Variants in SNTG1 observed in about 807,000 individuals in gnomAD.
SNTG1 encodes gamma-1-syntrophin.
In SNTG1, 39 loss-of-function variants were observed where a neutral mutation model predicts 74.7. The ratio of observed to expected loss-of-function variants is 0.52; its 90% CI spans 0.40 to 0.68. The LOEUF is 0.68. SNTG1 is among the 30% of genes least tolerant of loss of function. The pLI is 0.00. For synonymous variants in SNTG1, 254 were observed against 217.1 expected (o/e 1.17, Z -1.49); for missense variants, 685 against 609.5 (o/e 1.12, Z -1.30).
chr8:50,253,261 T>G (rs2086722033), intron 2 of SNTG1, among the ~76,000 whole-genome samples: 1 of 152,006 alleles, frequency 6.6e-6, no homozygotes, highest in Admixed American at 6.6e-5. Context: ...CTGTGTCTAC[T>G]AACAATACAA....
At chr8:50,617,516 C>G (rs939096930) in intron 13 of SNTG1, among the ~76,000 whole-genome samples, 1 of 152,042 alleles carries the variant, frequency 6.6e-6, no homozygotes, top group African/African-American at 2.4e-5. Context: ...ATCTTGTTGC[C>G]CTTTCTTCAT....
chr8:50,485,911 C>A lies in SNTG1; in HGVS notation c.364-16867C>A, dbSNP rs1474689346. Reference sequence around the variant, plus strand: ...TATGGCTAGCCAGTTTTCCCAGCACCATTTATTAAATAGGGAATCCTGTCC... The same window carrying A: ...TATGGCTAGCCAGTTTTCCCAGCACAATTTATTAAATAGGGAATCCTGTCC... On this transcript the variant is annotated intron_variant, in intron 8 of 18. Transcript: ENST00000642720. Among the ~76,000 whole-genome samples the A allele has an allele frequency of 5.4e-3, 818 of 150,910 alleles. 4 individuals are homozygous for A. The highest frequency in any genetic ancestry group is 9.5e-3 in the Non-Finnish European group (638 of 67,312).
At position 50,691,388 on chromosome 8, in the gene SNTG1, G is replaced by A. The variant is rs185515416; in HGVS notation, c.1039-13212G>A. On this transcript the variant is annotated intron_variant, in intron 15 of 18. Transcript: ENST00000642720. ...GCATATTTTTGCAGTGGCTGGTACC[G>A]GTTGTTCCTTTCCTTGTTTAGTGCT... 3.1e-3 allele frequency among the ~76,000 whole-genome samples: 470 copies of A among 152,284 alleles called. 3 individuals carry two copies. The highest frequency in any genetic ancestry group is 5.2e-3 in the Non-Finnish European group (355 of 68,008).
At chr8:50,400,969 T>TA (rs1339885935) in intron 3 of SNTG1, among the ~76,000 whole-genome samples, 1 of 152,112 alleles carries the variant, frequency 6.6e-6, no homozygotes, top group Non-Finnish European at 1.5e-5. Context: ...TCACAACACA[T>TA]ATATTATTAG....
intron 2 of SNTG1, among the ~76,000 whole-genome samples, chr8:50,376,754 TATAGAGAGAG>T (rs1554507688): frequency 3.4e-4 from 34 of 100,308 alleles, no homozygotes; most frequent in African/African-American, 5.9e-4. Flanking sequence ...TATATATATA[TATAGAGAGAG>T]AGAGAGAGAG....
intron 1 of SNTG1, among the ~76,000 whole-genome samples, chr8:50,042,135 A>G (rs1475885047): frequency 6.6e-6 from 1 of 152,190 alleles, no homozygotes; most frequent in Non-Finnish European, 1.5e-5. Context: ...TTTGGTCATC[A>G]GCCTTTATAC....
At chr8:50,359,740 G>A (rs1031199061) in intron 2 of SNTG1, among the ~76,000 whole-genome samples, 5 of 152,136 alleles carry the variant, frequency 3.3e-5, no homozygotes, top group Admixed American at 3.3e-4. Context: ...TCAGCACAAT[G>A]TGGATAAATT....
At chr8:50,358,603 AATTTC>A (rs1436633105) in intron 2 of SNTG1, among the ~76,000 whole-genome samples, 42 of 152,348 alleles carry the variant, frequency 2.8e-4, no homozygotes, top group African/African-American at 9.4e-4. Flanking sequence ...CTTTCATAAC[AATTTC>A]ATTTCAAGAA....
chr8:50,630,993 G>C (rs1398845236), intron 13 of SNTG1, among the ~76,000 whole-genome samples: 1 of 152,214 alleles, frequency 6.6e-6, no homozygotes, highest in Non-Finnish European at 1.5e-5. Context: ...TATCCAGGGA[G>C]AAAGCTTCCT....
chr8:50,487,694 G>A lies in SNTG1; in HGVS notation c.364-15084G>A, dbSNP rs1231751174. ...ACACTCTGGGGACTGTTGTGGGGTC[G>A]GAGGGGGGGGAGGGATAGCACTGGG... On this transcript the variant is annotated intron_variant, in intron 8 of 18. Transcript: ENST00000642720. 1.3e-4 allele frequency among the ~76,000 whole-genome samples: 11 copies of A among 87,656 alleles called. No individual in the cohort carries two copies. The East Asian group carries it at 2.3e-3, about 18-fold the overall frequency. 57.5% of individuals were successfully genotyped at this position (87,656 alleles called of 152,430 possible).
At chr8:49,969,525 T>C (rs546369302) in intron 1 of SNTG1, among the ~76,000 whole-genome samples, 1 of 150,480 alleles carries the variant, frequency 6.6e-6, no homozygotes, top group East Asian at 2.0e-4. Context: ...GCCTCCCAAG[T>C]AACTGGGATT....
intron 18 of SNTG1, among the ~76,000 whole-genome samples, chr8:50,755,275 C>T (rs776908341): frequency 6.6e-6 from 1 of 151,724 alleles, no homozygotes; most frequent in African/African-American, 2.4e-5. Flanking sequence ...ATCTTCCCCC[C>T]ACCCCAAGAA....
intron 2 of SNTG1, among the ~76,000 whole-genome samples, chr8:50,266,427 A>G (rs1156907364): frequency 6.6e-6 from 1 of 152,030 alleles, no homozygotes; most frequent in Non-Finnish European, 1.5e-5. Flanking sequence ...CATAAACAAA[A>G]GTTAACTTAA....
At chr8:50,548,068 C>A (rs566962954) in intron 11 of SNTG1, among the ~76,000 whole-genome samples, 2 of 152,254 alleles carry the variant, frequency 1.3e-5, no homozygotes, top group East Asian at 3.9e-4. Context: ...AACTAAGGAC[C>A]TTGGGGTCCC....
intron 1 of SNTG1, among the ~76,000 whole-genome samples, chr8:50,017,158 C>T (rs1476042597): frequency 6.6e-6 from 1 of 152,072 alleles, no homozygotes; most frequent in African/African-American, 2.4e-5. Context: ...GGAAATGTTA[C>T]TACATTGTCC....
At chr8:50,648,096 A>G (rs956659011) in intron 13 of SNTG1, among the ~76,000 whole-genome samples, 13 of 152,220 alleles carry the variant, frequency 8.5e-5, no homozygotes, top group Admixed American at 5.9e-4. Flanking sequence ...TGTTTGGCAT[A>G]GTAAACGGGA....
intron 2 of SNTG1, among the ~76,000 whole-genome samples, chr8:50,348,349 T>C (rs2091545037): frequency 6.6e-6 from 1 of 152,160 alleles, no homozygotes; most frequent in South Asian, 2.1e-4. Flanking sequence ...ATCTCAACAG[T>C]GCAACTGGAT....
chr8:50,657,135 G>C, intron 14 of SNTG1, 110 bp downstream of exon 14: 1 of 517,172 alleles, frequency 1.9e-6, no homozygotes, highest in Non-Finnish European at 3.3e-6. Flanking sequence ...AAATAATATA[G>C]AGAAAAAGTA....
intron 1 of SNTG1, among the ~76,000 whole-genome samples, chr8:49,976,055 A>G (rs1812163859): frequency 6.6e-6 from 1 of 152,092 alleles, no homozygotes; most frequent in African/African-American, 2.4e-5. Flanking sequence ...TGGAAAGAAG[A>G]CCTACTGTCA....
Sources: gnomAD v4.1 joint callset for allele counts (sites outside exome capture counted in the v4.1 genomes callset) on GRCh38, gnomAD v4.1.1 for gene constraint, MANE v1.5 for transcripts, NCBI Gene and HGNC (gene_info 2026-07-23, HGNC 2026-07-21) for gene names.